ARHGEF28: variants seen among roughly 807,000 people sequenced by gnomAD.
The protein encoded by ARHGEF28 is 190 kDa guanine nucleotide exchange factor.
Under a neutral mutation model 206.6 loss-of-function variants are expected in ARHGEF28, and 152 were observed. The observed-to-expected ratio is 0.74, with a 90% CI of 0.64 to 0.84. The LOEUF (loss-of-function observed/expected upper bound fraction) is 0.84, where lower values mean the gene tolerates loss of function less well. ARHGEF28 is among the 40% of genes least tolerant of loss of function. The pLI is 0.00. For missense variants in ARHGEF28, 2,028 were observed against 2,073.2 expected, an observed-to-expected ratio of 0.98 and a Z score of 0.42; for synonymous variants, 763 against 776.4, an observed-to-expected ratio of 0.98 and a Z score of 0.29.
At chr5:73,931,355 T>TTTA (rs2112025534) in intron 35 of ARHGEF28, among the ~76,000 whole-genome samples, 1 of 152,344 alleles carries the variant, frequency 6.6e-6, no homozygotes, top group African/African-American at 2.4e-5. Flanking sequence ...TTACTGGTTA[T>TTTA]TTATTAGACT....
At chr5:73,900,951 T>C (rs1324137331) in intron 30 of ARHGEF28, 2 of 408,464 alleles carry the variant, frequency 4.9e-6, no homozygotes, top group South Asian at 2.8e-5. Context: ...AAGATGGTGA[T>C]ACTTTGTGCG....
chr5:73,629,310 C>A (rs530918211), intron 1 of ARHGEF28, among the ~76,000 whole-genome samples: 1 of 151,840 alleles, frequency 6.6e-6, no homozygotes, highest in East Asian at 1.9e-4. Flanking sequence ...CCAGCCTGGG[C>A]AACATGGCAA....
At chr5:73,673,219 C>T (rs1437128019) in intron 1 of ARHGEF28, among the ~76,000 whole-genome samples, 1 of 152,174 alleles carries the variant, frequency 6.6e-6, no homozygotes, top group Non-Finnish European at 1.5e-5. Flanking sequence ...GGCCTTATCT[C>T]CCAGCTGTTT....
At chr5:73,788,294 G>A (rs1377544867) in intron 7 of ARHGEF28, among the ~76,000 whole-genome samples, 1 of 152,066 alleles carries the variant, frequency 6.6e-6, no homozygotes, top group South Asian at 2.1e-4. Flanking sequence ...TTTTATTCAA[G>A]CCATTGATTA....
At position 73,776,504 on chromosome 5, in the gene ARHGEF28, G is replaced by T. The variant is rs766784703; in HGVS notation, c.660-12G>T. Reference sequence around the variant, plus strand: ...TGAAGCTCTGTGTGGGTTTTGATTTGTGTTGTTTCAGTTTTCAGGGCAGAT... The same window carrying T: ...TGAAGCTCTGTGTGGGTTTTGATTTTTGTTGTTTCAGTTTTCAGGGCAGAT... On this transcript the variant is annotated splice_polypyrimidine_tract_variant and intron_variant, in intron 5 of 35. Coordinates refer to ENST00000513042, the MANE Select transcript of ARHGEF28 (RefSeq NM_001177693.2). The T allele has an allele frequency of 6.2e-7, 1 of 1,605,304 alleles. No individual in the cohort carries two copies. The highest frequency in any genetic ancestry group is 1.1e-5 in the South Asian group (1 of 89,790).
intron 35 of ARHGEF28, among the ~76,000 whole-genome samples, chr5:73,920,101 A>T (rs1763437208): frequency 6.6e-6 from 1 of 152,226 alleles, no homozygotes; most frequent in South Asian, 2.1e-4. Flanking sequence ...TGACTCTTTT[A>T]CTGAGGCACT....
At chr5:73,883,159 C>G (rs1256913339) in intron 23 of ARHGEF28, among the ~76,000 whole-genome samples, 1 of 152,036 alleles carries the variant, frequency 6.6e-6, no homozygotes, top group Non-Finnish European at 1.5e-5. Context: ...TGAATGTTAT[C>G]CCACCCCTTT....
intron 35 of ARHGEF28, among the ~76,000 whole-genome samples, chr5:73,915,328 T>C (rs1763151145): frequency 1.3e-5 from 2 of 152,244 alleles, no homozygotes; most frequent in Non-Finnish European, 2.9e-5. Context: ...GTTTCTCCAA[T>C]GTTGCCTAAT....
At chr5:73,776,755 A>C in intron 6 of ARHGEF28, 59 bp downstream of exon 6, 1 of 1,464,202 alleles carries the variant, frequency 6.8e-7, no homozygotes, top group Non-Finnish European at 9.2e-7. Context: ...GCAGGCATCA[A>C]TTTCTTATTA....
intron 9 of ARHGEF28, among the ~76,000 whole-genome samples, chr5:73,817,271 TACAA>T (rs2112530568): frequency 6.6e-6 from 1 of 152,356 alleles, no homozygotes; most frequent in Non-Finnish European, 1.5e-5. Context: ...AAAACCAGGC[TACAA>T]TTGCCAAAGA....
intron 2 of ARHGEF28, among the ~76,000 whole-genome samples, chr5:73,737,892 C>T (rs1339004302): frequency 2.6e-5 from 4 of 152,148 alleles, no homozygotes; most frequent in South Asian, 2.1e-4. Flanking sequence ...GCTCTTTCCA[C>T]GTGCCCTGCT....
At chr5:73,716,102 A>AAGTTAAGG (rs1749567681) in intron 2 of ARHGEF28, among the ~76,000 whole-genome samples, 1 of 152,078 alleles carries the variant, frequency 6.6e-6, no homozygotes, top group Non-Finnish European at 1.5e-5. Flanking sequence ...TGTCCTTAAG[A>AAGTTAAGG]AGTTAAAAAC....
intron 9 of ARHGEF28, among the ~76,000 whole-genome samples, chr5:73,829,773 A>C (rs1201069414): frequency 6.6e-6 from 1 of 152,182 alleles, no homozygotes; most frequent in Non-Finnish European, 1.5e-5. Flanking sequence ...AATTAATTTT[A>C]TTTAAAGAAA....
rs747353301 is a variant in ARHGEF28 at position 73,894,513 on chromosome 5, T to C, written c.3779T>C (p.Ile1260Thr). Residue 1260 changes from isoleucine (I) to threonine (T), a missense_variant, in exon 29 of 36, where the codon ATT becomes ACT. Transcript: ENST00000513042. Reference protein sequence around the residue: ...EDVHLEPHLLIKPDPGEPPQA... With the variant: ...EDVHLEPHLLTKPDPGEPPQA... ...GTCCATCTAGAGCCCCACCTCCTTA[T>C]TAAACCTGACCCAGGCGAGCCTCCC... The C allele has an allele frequency of 3.1e-6, 5 of 1,613,848 alleles. No homozygotes were observed.
chr5:73,905,289 A>G (rs540297466), intron 33 of ARHGEF28: 3 of 143,740 alleles, frequency 2.1e-5, no homozygotes, highest in African/African-American at 5.4e-5. Context: ...CATTCTCACC[A>G]CATCCCAGCC....
At chr5:73,723,078 A>C (rs1750057175) in intron 2 of ARHGEF28, among the ~76,000 whole-genome samples, 1 of 152,236 alleles carries the variant, frequency 6.6e-6, no homozygotes, top group African/African-American at 2.4e-5. Context: ...TCTCTGAAAG[A>C]GATTAATGTA....
intron 9 of ARHGEF28, among the ~76,000 whole-genome samples, chr5:73,826,308 G>A (rs1756901580): frequency 6.6e-6 from 1 of 152,282 alleles, no homozygotes; most frequent in South Asian, 2.1e-4. Context: ...CCTTTTTATG[G>A]TGGTTAGTTA....
chr5:73,882,328 G>GAGAT (rs1761004381), intron 22 of ARHGEF28, 144 bp from the exon 23 acceptor site: 1 of 583,636 alleles, frequency 1.7e-6, no homozygotes, highest in South Asian at 3.6e-5. Context: ...AATGTCTGAG[G>GAGAT]AGATAAGTGA....
At chr5:73,931,801 A>G (rs527868049) in intron 35 of ARHGEF28, among the ~76,000 whole-genome samples, 7 of 152,118 alleles carry the variant, frequency 4.6e-5, no homozygotes, top group East Asian at 1.9e-4. Context: ...ATTTGTCTCT[A>G]TTTTAGACTC....
Sources: gnomAD v4.1 joint callset for allele counts (sites outside exome capture counted in the v4.1 genomes callset) on GRCh38, gnomAD v4.1.1 for gene constraint, MANE v1.5 for transcripts, NCBI Gene and HGNC (gene_info 2026-07-23, HGNC 2026-07-21) for gene names.